The following BMAL1 variants were observed in gnomAD, a reference collection of about 807,000 sequenced individuals.
BMAL1 encodes the protein basic helix-loop-helix ARNT like 1.
the BMAL1 span, among the ~76,000 whole-genome samples, chr11:13,364,577 G>A: frequency 6.6e-6 from 1 of 152,194 alleles, no homozygotes; most frequent in Non-Finnish European, 1.5e-5. Flanking sequence ...GCAAGGGCAT[G>A]ACAGAGTGGG....
At chr11:13,328,615 A>G in the BMAL1 span, among the ~76,000 whole-genome samples, 3 of 152,214 alleles carry the variant, frequency 2.0e-5, no homozygotes, top group East Asian at 5.8e-4. Flanking sequence ...CTCCTGCTGT[A>G]GCTATGCTGC....
the BMAL1 span, among the ~76,000 whole-genome samples, chr11:13,297,697 T>C: frequency 6.6e-6 from 1 of 152,216 alleles, no homozygotes; most frequent in Non-Finnish European, 1.5e-5. Context: ...TCCTGCTTCA[T>C]GGCCTATGCT....
the BMAL1 span, among the ~76,000 whole-genome samples, chr11:13,337,597 A>T: frequency 6.6e-6 from 1 of 152,214 alleles, no homozygotes; most frequent in African/African-American, 2.4e-5. Context: ...CCACATCTTC[A>T]CTAATACTGG....
At chr11:13,363,732 C>G in the BMAL1 span, among the ~76,000 whole-genome samples, 1 of 152,192 alleles carries the variant, frequency 6.6e-6, no homozygotes, top group Non-Finnish European at 1.5e-5. Context: ...CTAGGCAGAC[C>G]GTACCAAGGC....
chr11:13,342,228 G>A, the BMAL1 span, among the ~76,000 whole-genome samples: 1 of 152,216 alleles, frequency 6.6e-6, no homozygotes, highest in African/African-American at 2.4e-5. Flanking sequence ...GTGAGGGGCA[G>A]AGGACAGTGC....
the BMAL1 span, among the ~76,000 whole-genome samples, chr11:13,323,863 C>T: frequency 1.3e-5 from 2 of 152,148 alleles, no homozygotes; most frequent in South Asian, 2.1e-4. Flanking sequence ...GTGATCCACC[C>T]GCCTTGGCCT....
chr11:13,283,585 C>T, the BMAL1 span, among the ~76,000 whole-genome samples: 4 of 152,170 alleles, frequency 2.6e-5, no homozygotes, highest in Non-Finnish European at 5.9e-5. Context: ...CTAGTAGATT[C>T]CTACTGGGAG....
chr11:13,312,609 A>G, the BMAL1 span, among the ~76,000 whole-genome samples: 1 of 152,234 alleles, frequency 6.6e-6, no homozygotes, highest in Non-Finnish European at 1.5e-5. Flanking sequence ...GTCAGATTCC[A>G]GTCCTAGCAT....
chr11:13,322,997 A>T, the BMAL1 span, among the ~76,000 whole-genome samples: 1 of 150,436 alleles, frequency 6.6e-6, no homozygotes, highest in Non-Finnish European at 1.5e-5. Context: ...GCGTCTAGCC[A>T]TGTTGCCCAG....
the BMAL1 span, among the ~76,000 whole-genome samples, chr11:13,352,974 C>T: frequency 5.9e-5 from 9 of 152,286 alleles, no homozygotes; most frequent in Non-Finnish European, 7.3e-5. Context: ...TTTCAAGGGC[C>T]GGTTTGCTTA....
the BMAL1 span, chr11:13,369,882 C>T: frequency 3.7e-6 from 5 of 1,339,060 alleles, no homozygotes; most frequent in Non-Finnish European, 5.1e-6. Flanking sequence ...TGGCAGGTCC[C>T]AGGACTGCAG....
chr11:13,365,953 T>G, the BMAL1 span, among the ~76,000 whole-genome samples: 546 of 152,342 alleles, frequency 3.6e-3, 2 homozygotes, highest in Non-Finnish European at 6.1e-3. Flanking sequence ...CACTCCATAC[T>G]GTGTTTGCAG....
At chr11:13,287,998 G>A in the BMAL1 span, among the ~76,000 whole-genome samples, 3 of 152,180 alleles carry the variant, frequency 2.0e-5, no homozygotes, top group African/African-American at 7.2e-5. Context: ...GTAGAAGGGA[G>A]GAGGCTTCAT....
At chr11:13,341,303 C>G in the BMAL1 span, among the ~76,000 whole-genome samples, 1 of 152,216 alleles carries the variant, frequency 6.6e-6, no homozygotes, top group Non-Finnish European at 1.5e-5. Context: ...GTCCCACCAC[C>G]CCACTTTGTA....
At chr11:13,322,307 A>G in the BMAL1 span, among the ~76,000 whole-genome samples, 1 of 152,112 alleles carries the variant, frequency 6.6e-6, no homozygotes, top group African/African-American at 2.4e-5. Flanking sequence ...CATTAGGTAC[A>G]ATGTTCATTA....
chr11:13,279,600 T>C, the BMAL1 span, among the ~76,000 whole-genome samples: 2 of 152,360 alleles, frequency 1.3e-5, no homozygotes, highest in East Asian at 1.9e-4. Flanking sequence ...TCGCTGGTGT[T>C]ATATTTGATT....
the BMAL1 span, among the ~76,000 whole-genome samples, chr11:13,298,223 C>G: frequency 2.4e-3 from 362 of 152,350 alleles, 2 homozygotes; most frequent in African/African-American, 7.5e-3. Flanking sequence ...CTGCGCCTCT[C>G]TAGCTCCACT....
the BMAL1 span, chr11:13,277,823 G>A: frequency 6.6e-6 from 1 of 152,540 alleles, no homozygotes; most frequent in South Asian, 2.1e-4. Flanking sequence ...CAGAAAGTAG[G>A]TCAGGGACGG....
the BMAL1 span, among the ~76,000 whole-genome samples, chr11:13,280,972 T>C: frequency 0.96 from 146,405 of 152,260 alleles, 70,425 homozygotes; most frequent in East Asian, 1. Flanking sequence ...GGCTTTGTGG[T>C]CTTGGATGTG....
Sources: allele counts gnomAD v4.1 joint callset (sites outside exome capture counted in the v4.1 genomes callset), GRCh38; gene constraint gnomAD v4.1.1; transcripts MANE v1.5; gene names NCBI Gene and HGNC (gene_info 2026-07-23, HGNC 2026-07-21).